The following VGLL4 variants were observed in gnomAD, a reference collection of about 807,000 sequenced individuals.
VGLL4 encodes transcription cofactor vestigial-like protein 4.
Under a neutral mutation model 21.0 loss-of-function variants are expected in VGLL4, and 7 were observed. The ratio of observed to expected loss-of-function variants is 0.33; its 90% CI spans 0.19 to 0.63. The LOEUF is 0.63. VGLL4 is among the 20% of genes least tolerant of loss of function. The pLI, the probability that VGLL4 is intolerant of heterozygous loss-of-function variation, is 0.78. For synonymous variants in VGLL4, 222 were observed against 173.2 expected, an observed-to-expected ratio of 1.28 and a Z score of -2.21; for missense variants, 394 against 425.7, an observed-to-expected ratio of 0.93 and a Z score of 0.66.
chr3:11,590,270 T>C (rs1429097368), intron 2 of VGLL4, among the ~76,000 whole-genome samples: 1 of 152,196 alleles, frequency 6.6e-6, no homozygotes, highest in African/African-American at 2.4e-5. Flanking sequence ...TTCAATGACA[T>C]GGAAATTTAG....
Position 11,699,393 on chromosome 3 carries a change from T to A in VGLL4, c.64+3578A>T, listed in dbSNP as rs374607629. Among the ~76,000 whole-genome samples the A allele has an allele frequency of 1.1e-4, 17 of 152,340 alleles. No individual in the cohort carries two copies. In the South Asian group the frequency reaches 2.9e-3, roughly 26 times the overall value. On this transcript the variant is annotated intron_variant, in intron 2 of 5. Coordinates refer to the VGLL4 transcript ENST00000273038. ...AAAATGTTAATAATAATTGAAGACA[T>A]CTTTGGACTTTTTTCCTCTCATTCA...
chr3:11,558,414 C>A lies in VGLL4; in HGVS notation c.*142G>T. ...GCAAGTACAAAAACAGAACACAAAT[C>A]CCAACAACATGGTTTTTGCAAATAA... On this transcript the variant is annotated 3_prime_UTR_variant, in exon 5 of 5. Transcript: ENST00000430365. 1 of 1,337,016 alleles carries A rather than the reference C, an allele frequency of 7.5e-7. No homozygotes were observed. The highest frequency in any genetic ancestry group is 9.9e-7 in the Non-Finnish European group (1 of 1,007,244). 82.8% of individuals were successfully genotyped at this position (1,337,016 alleles called of 1,614,324 possible). A position where few individuals can be genotyped will look rare whatever the true frequency, so the allele number is the denominator to read the frequency against.
intron 2 of VGLL4, among the ~76,000 whole-genome samples, chr3:11,599,372 T>C (rs919238866): frequency 6.0e-5 from 9 of 151,148 alleles, no homozygotes; most frequent in African/African-American, 2.2e-4. Flanking sequence ...CCTGTTTCTA[T>C]TTTCCTAAAA....
intron 1 of VGLL4, among the ~76,000 whole-genome samples, chr3:11,608,532 A>G (rs2074995467): frequency 6.6e-6 from 1 of 152,210 alleles, no homozygotes; most frequent in Admixed American, 6.5e-5. Flanking sequence ...GAGAGAAATG[A>G]AAAGAGAGAA....
chr3:11,649,718 C>T (rs1464254065), intron 2 of VGLL4, among the ~76,000 whole-genome samples: 4 of 152,170 alleles, frequency 2.6e-5, no homozygotes, highest in Non-Finnish European at 5.9e-5. Context: ...TTGACAGAGA[C>T]AGCTCTACAC....
chr3:11,714,061 A>C (rs2076886212), intron 1 of VGLL4, among the ~76,000 whole-genome samples: 1 of 152,202 alleles, frequency 6.6e-6, no homozygotes, highest in Non-Finnish European at 1.5e-5. Context: ...CGGTTATTGT[A>C]ATACAGTTTG....
At chr3:11,577,367 C>T (rs568619495) in intron 2 of VGLL4, among the ~76,000 whole-genome samples, 32 of 152,222 alleles carry the variant, frequency 2.1e-4, no homozygotes, top group African/African-American at 7.5e-4. Flanking sequence ...GAGGCTGAGG[C>T]GGGCAGATCA....
chr3:11,579,420 A>G (rs1368496275), intron 2 of VGLL4, among the ~76,000 whole-genome samples: 1 of 152,204 alleles, frequency 6.6e-6, no homozygotes, highest in Non-Finnish European at 1.5e-5. Context: ...ATAAAACTGC[A>G]TTTCTTTTAA....
intron 2 of VGLL4, among the ~76,000 whole-genome samples, chr3:11,695,249 C>T (rs945040791): frequency 6.6e-6 from 1 of 151,918 alleles, no homozygotes; most frequent in African/African-American, 2.4e-5. Flanking sequence ...GGGGTTTCAC[C>T]ATCTTGGCCA....
rs1022421065 is a variant in VGLL4, at chr3:11,556,266, C to G, written c.*2290G>C. The G allele has an allele frequency of 6.5e-6, 1 of 152,702 alleles. No individual in the cohort carries two copies. Among genetic ancestry groups the G allele is most frequent in the Non-Finnish European group, 1.5e-5 (1 of 68,068 alleles). 9.5% of individuals were successfully genotyped at this position (152,702 alleles called of 1,614,324 possible). A position where few individuals can be genotyped will look rare whatever the true frequency, so the allele number is the denominator to read the frequency against. Reference sequence around the variant, plus strand: ...TGGGAAGAACTTCACGGAGCCCCTTCTTAGAGCAGGGAGGGGGCTTTCTCA... The same window carrying G: ...TGGGAAGAACTTCACGGAGCCCCTTGTTAGAGCAGGGAGGGGGCTTTCTCA... On this transcript the variant is annotated 3_prime_UTR_variant, in exon 5 of 5. Transcript: ENST00000430365.
At chr3:11,714,143 A>G (rs1215968300) in intron 1 of VGLL4, among the ~76,000 whole-genome samples, 2 of 152,200 alleles carry the variant, frequency 1.3e-5, no homozygotes, top group African/African-American at 2.4e-5. Flanking sequence ...GTACATCTAT[A>G]CAGGCTCTGG....
rs537598985 is a variant in VGLL4 at position 11,669,853 on chromosome 3, T to A, written c.64+33118A>T. ...ACACCACCATGTACTGCTAATTTTTTAATTTTTTGTAGAGATAGGGCAAGA... is the reference window on the plus strand; with the variant it reads ...ACACCACCATGTACTGCTAATTTTTAAATTTTTTGTAGAGATAGGGCAAGA... On this transcript the variant is annotated intron_variant, in intron 2 of 5. Transcript: ENST00000273038. Among the ~76,000 whole-genome samples the A allele has an allele frequency of 1.9e-4, 29 of 152,252 alleles. No homozygotes were observed. The East Asian group carries it at 3.3e-3, about 17-fold the overall frequency.
intron 1 of VGLL4, among the ~76,000 whole-genome samples, chr3:11,630,147 A>G (rs1575472467): frequency 6.6e-6 from 1 of 151,998 alleles, no homozygotes. Context: ...AAATATACAT[A>G]CTCCAGCCTC....
At position 11,558,487 on chromosome 3, in the gene VGLL4, T is replaced by G; in HGVS notation, c.*69A>C. ...CCCCACCCCCATGATTTTTTTTTTT[T>G]TAAGTACTGACTGTTCAAAGCTCAG... On this transcript the variant is annotated 3_prime_UTR_variant, in exon 5 of 5. Coordinates refer to ENST00000430365, the MANE Select transcript of VGLL4 (RefSeq NM_001128219.3). 2 of 1,507,272 alleles carry G rather than the reference T, an allele frequency of 1.3e-6. No homozygotes were observed. Among genetic ancestry groups the G allele is most frequent in the Non-Finnish European group, 1.8e-6 (2 of 1,130,152 alleles). 93.4% of individuals were successfully genotyped at this position (1,507,272 alleles called of 1,614,324 possible).
At chr3:11,679,410 C>T (rs529323583) in intron 2 of VGLL4, among the ~76,000 whole-genome samples, 23 of 152,038 alleles carry the variant, frequency 1.5e-4, no homozygotes, top group Middle Eastern at 3.4e-3. Context: ...CAGAGCTGGG[C>T]GCGGTAGCTC....
At chr3:11,583,223 G>T (rs1575414598) in intron 2 of VGLL4, among the ~76,000 whole-genome samples, 1 of 152,180 alleles carries the variant, frequency 6.6e-6, no homozygotes, top group African/African-American at 2.4e-5. Context: ...ATTTATCAGA[G>T]TAAACTCTGA....
At chr3:11,574,349 C>T (rs79762917) in intron 2 of VGLL4, among the ~76,000 whole-genome samples, 4 of 152,298 alleles carry the variant, frequency 2.6e-5, no homozygotes, top group Non-Finnish European at 4.4e-5. Context: ...CACTGGGCCT[C>T]GGTCACCTGT....
intron 2 of VGLL4, among the ~76,000 whole-genome samples, chr3:11,683,671 G>C (rs1170360229): frequency 6.6e-6 from 1 of 151,948 alleles, no homozygotes; most frequent in African/African-American, 2.4e-5. Flanking sequence ...GTGCATGCCT[G>C]TAATCCCAGC....
intron 1 of VGLL4, among the ~76,000 whole-genome samples, chr3:11,614,416 A>C (rs761590141): frequency 2.6e-5 from 4 of 152,210 alleles, no homozygotes; most frequent in South Asian, 2.1e-4. Context: ...CCAGACCCTG[A>C]GGAGTAAGAT....
Sources: allele counts gnomAD v4.1 joint callset (sites outside exome capture counted in the v4.1 genomes callset), GRCh38; gene constraint gnomAD v4.1.1; transcripts MANE v1.5; gene names NCBI Gene and HGNC (gene_info 2026-07-23, HGNC 2026-07-21).